Variants in TYROBP observed in about 807,000 individuals in gnomAD.
TYROBP encodes the protein transmembrane immune signaling adaptor TYROBP.
TYROBP carries 14 observed loss-of-function variants against 17.1 expected under a neutral mutation model. That is an observed-to-expected ratio of 0.82 (90% CI 0.54 to 1.28). The LOEUF is 1.28. Among genes scored for constraint, TYROBP ranks in the 50% most tolerant of loss-of-function variants. TYROBP has a pLI of 0.00. For missense variants in TYROBP, 161 were observed against 151.4 expected, an observed-to-expected ratio of 1.06 and a Z score of -0.33; for synonymous variants, 73 against 67.4, an observed-to-expected ratio of 1.08 and a Z score of -0.41.
intron 4 of TYROBP, among the ~76,000 whole-genome samples, chr19:35,906,089 C>A (rs116794076): frequency 0.013 from 2,005 of 151,738 alleles, 40 homozygotes; most frequent in African/African-American, 0.046. Context: ...GAGTTTGAGA[C>A]CAGCTGGGGC....
intron 4 of TYROBP, among the ~76,000 whole-genome samples, chr19:35,906,448 A>G (rs62109667): frequency 0.21 from 32,626 of 151,944 alleles, 4,392 homozygotes; most frequent in East Asian, 0.38. Flanking sequence ...TATATGCACA[A>G]TTTTGTATTT....
intron 4 of TYROBP, among the ~76,000 whole-genome samples, chr19:35,905,952 C>CA (rs56359507): frequency 0.039 from 3,984 of 102,058 alleles, 85 homozygotes; most frequent in East Asian, 0.089. Context: ...GACTCCATCT[C>CA]AAAAAAAAAA....
In TYROBP at chr19:35,904,429, A is replaced by T; in HGVS notation, c.*140T>A. On this transcript the variant is annotated 3_prime_UTR_variant, in exon 5 of 5. Coordinates refer to ENST00000262629, the MANE Select transcript of TYROBP (RefSeq NM_003332.4). Reference sequence around the variant, plus strand: ...TTTTGTGCTTCATGTTTATTTTAGGAGAGTATTGGGGAGCGGTCTGGTCTC... The same window carrying T: ...TTTTGTGCTTCATGTTTATTTTAGGTGAGTATTGGGGAGCGGTCTGGTCTC... 1 of 902,196 alleles carries T rather than the reference A, an allele frequency of 1.1e-6. No individual in the cohort carries two copies. The highest frequency in any genetic ancestry group is 1.8e-6 in the Non-Finnish European group (1 of 562,296). 55.9% of individuals were successfully genotyped at this position (902,196 alleles called of 1,614,324 possible).
In TYROBP at chr19:35,907,548, GCACGCCCGGGCT is replaced by G; in HGVS notation, c.115_126del (p.Ser39_Val42del). 2 of 1,613,894 alleles carry G rather than the reference GCACGCCCGGGCT, an allele frequency of 1.2e-6. No individual in the cohort carries two copies. Among genetic ancestry groups the G allele is most frequent in the Non-Finnish European group, 1.7e-6 (2 of 1,179,830 alleles). ...AGGTCTCCCATCACGATCCCTGCCA[GCACGCCCGGGCT>G]CACCGTAGAGCAACTGCAATCTGCA... is the stretch of plus-strand genomic sequence containing the variant. On this transcript the variant is annotated inframe_deletion, in exon 3 of 5. Coordinates refer to ENST00000262629, the MANE Select transcript of TYROBP (RefSeq NM_003332.4).
At chr19:35,907,786 C>T (rs1226452815) in intron 1 of TYROBP, 24 bp from the exon 2 acceptor site, 4 of 1,613,298 alleles carry the variant, frequency 2.5e-6, no homozygotes, top group East Asian at 2.2e-5. Flanking sequence ...AGAAGGTAAA[C>T]TGAGGCACAG....
chr19:35,905,794 A>T (rs527987497), intron 4 of TYROBP, among the ~76,000 whole-genome samples: 3 of 151,788 alleles, frequency 2.0e-5, no homozygotes, highest in Non-Finnish European at 4.4e-5. Context: ...CTCTACTAAA[A>T]ATACAAAAAT....
Position 35,907,575 on chromosome 19 carries a change from T to G in TYROBP, c.100A>C (p.Ser34Arg). The G allele has an allele frequency of 6.2e-7, 1 of 1,613,974 alleles. No individual in the cohort carries two copies. Among genetic ancestry groups the G allele is most frequent in the Non-Finnish European group, 8.5e-7 (1 of 1,179,948 alleles). Residue 34 changes from serine (S) to arginine (R), a missense_variant, in exon 3 of 5, where the codon AGT becomes CGT. By Grantham distance (110) the Ser-to-Arg change is moderately radical. Transcript: ENST00000262629. ...ACGCCCGGGCTCACCGTAGAGCAAC[T>G]GCAATCTGCAGCACAGGGGTCAGGG... ...PVQAQAQSDC[S>R]CSTVSPGVLA...
chr19:35,908,039 C>A, intron 1 of TYROBP, 129 bp downstream of exon 1: 1 of 884,696 alleles, frequency 1.1e-6, no homozygotes, highest in Non-Finnish European at 1.8e-6. Flanking sequence ...AACCCACAGG[C>A]TTTGGGAGGT....
At position 35,908,276 on chromosome 19, in the gene TYROBP, G is replaced by C; in HGVS notation, c.-48C>G. 1.3e-6 allele frequency: 2 copies of C among 1,552,668 alleles called. No homozygotes were observed. Among genetic ancestry groups the C allele is most frequent in the Non-Finnish European group, 1.8e-6 (2 of 1,124,466 alleles). Reference sequence around the variant, plus strand: ...CACAGTGTAAGGGCCGGTGGGATGTGGCGCAGCGTCCAGGCAAGTGAAGGA... The same window carrying C: ...CACAGTGTAAGGGCCGGTGGGATGTCGCGCAGCGTCCAGGCAAGTGAAGGA... On this transcript the variant is annotated 5_prime_UTR_variant, in exon 1 of 5. Transcript: ENST00000262629.
chr19:35,907,390 G>GGC, intron 3 of TYROBP, 56 bp downstream of exon 3: 1 of 1,425,270 alleles, frequency 7.0e-7, no homozygotes, highest in Non-Finnish European at 9.9e-7. Context: ...AGTTTACCCA[G>GGC]CCCCCCACCC....
At chr19:35,907,374 T>A in intron 3 of TYROBP, 72 bp downstream of exon 3, 4 of 1,604,030 alleles carry the variant, frequency 2.5e-6, no homozygotes, top group Non-Finnish European at 3.4e-6. Context: ...ATGTTTGAGA[T>A]CTGGGAGTTT....
intron 3 of TYROBP, 61 bp downstream of exon 3, chr19:35,907,385 A>G (rs1403828857): frequency 2.5e-5 from 28 of 1,133,852 alleles, no homozygotes; most frequent in Middle Eastern, 1.9e-4. Flanking sequence ...CTGGGAGTTT[A>G]CCCAGCCCCC....
At chr19:35,907,160 C>CT in intron 4 of TYROBP, 58 bp downstream of exon 4, 1 of 1,521,144 alleles carries the variant, frequency 6.6e-7, no homozygotes, top group Non-Finnish European at 9.0e-7. Flanking sequence ...GAAGGAGTAT[C>CT]TGGGGCAGAT....
intron 4 of TYROBP, 117 bp from the exon 5 acceptor site, chr19:35,904,751 G>A (rs915143620): frequency 3.3e-6 from 3 of 900,196 alleles, no homozygotes; most frequent in Admixed American, 4.3e-5. Context: ...AAGAGATCCG[G>A]ATTTTATTCA....
In TYROBP at chr19:35,907,594, G is replaced by C. The variant is rs770560742; in HGVS notation, c.95-14C>G. 2 of 1,613,926 alleles carry C rather than the reference G, an allele frequency of 1.2e-6. No homozygotes were observed. The highest frequency in any genetic ancestry group is 2.7e-5 in the African/African-American group (2 of 74,914). ...AGCAACTGCAATCTGCAGCACAGGG[G>C]TCAGGGGAGGTCAGTGTGTGCTGGG... On this transcript the variant is annotated splice_polypyrimidine_tract_variant and intron_variant, in intron 2 of 4. Coordinates refer to ENST00000262629, the MANE Select transcript of TYROBP (RefSeq NM_003332.4).
In TYROBP at chr19:35,907,713, G is replaced by A. The variant is rs778668986; in HGVS notation, c.94+17C>T. On this transcript the variant is annotated intron_variant, in intron 2 of 4. Transcript: ENST00000262629. Reference sequence around the variant, plus strand: ...TCTCTGGGAGGTAGAGAGAGGGACTGCTGGGTCTAGGCCTACCGCTCTGGG... The same window carrying A: ...TCTCTGGGAGGTAGAGAGAGGGACTACTGGGTCTAGGCCTACCGCTCTGGG... 6.2e-7 allele frequency: 1 copy of A among 1,614,092 alleles called. No individual in the cohort carries two copies. The highest frequency in any genetic ancestry group is 8.5e-7 in the Non-Finnish European group (1 of 1,179,982).
intron 4 of TYROBP, among the ~76,000 whole-genome samples, chr19:35,905,440 ACC>A (rs1221067717): frequency 6.6e-6 from 1 of 152,038 alleles, no homozygotes; most frequent in Non-Finnish European, 1.5e-5. Flanking sequence ...GAATCTCATG[ACC>A]CCCTAAAGGG....
At chr19:35,907,912 G>A in intron 1 of TYROBP, 150 bp from the exon 2 acceptor site, 1 of 852,882 alleles carries the variant, frequency 1.2e-6, no homozygotes, top group Non-Finnish European at 1.9e-6. Flanking sequence ...CTGGCGTCTG[G>A]GCCACCGGAC....
intron 4 of TYROBP, 87 bp downstream of exon 4, chr19:35,907,131 G>T: frequency 1.5e-6 from 2 of 1,349,408 alleles, no homozygotes; most frequent in Non-Finnish European, 2.1e-6. Context: ...GAGTGGCTTT[G>T]AGGTCCCTCT....
Sources: allele counts gnomAD v4.1 joint callset (sites outside exome capture counted in the v4.1 genomes callset), GRCh38; gene constraint gnomAD v4.1.1; transcripts MANE v1.5; gene names NCBI Gene and HGNC (gene_info 2026-07-23, HGNC 2026-07-21).